Variants in MIB2 observed in about 807,000 individuals in gnomAD.
MIB2 encodes MIB E3 ubiquitin protein ligase 2.
A neutral mutation model predicts 96.6 loss-of-function variants in MIB2; 78 were observed. The observed-to-expected ratio is 0.81, with a 90% CI of 0.67 to 0.97. The LOEUF (loss-of-function observed/expected upper bound fraction) is 0.97. Among genes scored for constraint, MIB2 ranks in the 50% least tolerant of loss-of-function variants. The pLI, the probability that MIB2 is intolerant of heterozygous loss-of-function variation, is 0.00. For synonymous variants in MIB2, 820 were observed against 629.5 expected (o/e 1.30, Z -4.53); for missense variants, 1,543 against 1,424.0 (o/e 1.08, Z -1.35).
Position 1,627,765 on chromosome 1 carries a change from T to G in MIB2, c.1616T>G (p.Val539Gly). ...CAGAGCACAGCACTGCACGTGGCCG[T>G]GCAGAGGGGCTTCCTGGAGGTGGTG... is the stretch of plus-strand genomic sequence containing the variant. Reference protein sequence around the residue: ...STQSTALHVAVQRGFLEVVRA... With the variant: ...STQSTALHVAGQRGFLEVVRA... Residue 539 changes from valine to glycine, a missense_variant, in exon 13 of 20, where the codon GTG becomes GGG. By Grantham distance (109) the Val-to-Gly change is moderately radical (BLOSUM62 -3). Coordinates refer to ENST00000355826, the MANE Select transcript of MIB2 (RefSeq NM_001170687.4). 6.3e-7 allele frequency: 1 copy of G among 1,597,898 alleles called. No homozygotes were observed. The highest frequency in any genetic ancestry group is 8.5e-7 in the Non-Finnish European group (1 of 1,179,272).
In MIB2 at chr1:1,627,681, C is replaced by T. The variant is rs753886557; in HGVS notation, c.1532C>T (p.Pro511Leu). The change falls in exon 13 of 20, where the codon CCC becomes CTC. Residue 511 changes from proline to leucine, a missense_variant. Transcript: ENST00000355826. ...ALHYAALGNQ[P>L]EATRVLLSAG... ...ACTTCCTCTCCTGTCAGGAACCAGC[C>T]CGAGGCCACCAGGGTGCTCCTGAGT... 2 of 1,593,418 alleles carry T rather than the reference C, an allele frequency of 1.3e-6. No individual in the cohort carries two copies. Among genetic ancestry groups the T allele is most frequent in the South Asian group, 1.1e-5 (1 of 90,104 alleles).
chr1:1,627,417 ACACGGCACTG>A lies in MIB2; in HGVS notation c.1500_1509del (p.Ala501ThrfsTer15), dbSNP rs1644894469. The A allele has an allele frequency of 6.2e-7, 1 of 1,612,610 alleles. No individual in the cohort carries two copies. The highest frequency in any genetic ancestry group is 1.7e-5 in the Admixed American group (1 of 59,998). ...GTGGACCTGCCGGACGACGAGGGCA[ACACGGCACTG>A]CACTACGCGGCCCTGGGGTGAGGCC... On this transcript the variant is annotated frameshift_variant, in exon 12 of 20. Coordinates refer to ENST00000355826, the MANE Select transcript of MIB2 (RefSeq NM_001170687.4). LOFTEE classifies it high-confidence loss of function.
At chr1:1,623,341 C>A in intron 2 of MIB2, 90 bp from the exon 3 acceptor site, 1 of 1,527,548 alleles carries the variant, frequency 6.5e-7, no homozygotes, top group Non-Finnish European at 8.8e-7. Context: ...GGAGCCCACT[C>A]TGACCGGGAG....
In MIB2 at chr1:1,626,774, CCGCCGCTAG is replaced by C. The variant is rs1644816041; in HGVS notation, c.1077+28_1077+36del. Reference sequence around the variant, plus strand: ...GCCCCTGTGAGTCCCCCTGCCACCCCCGCCGCTAGCGCCGCTGCCCCCCACACCTGCAGC... The same window carrying C: ...GCCCCTGTGAGTCCCCCTGCCACCCCCGCCGCTGCCCCCCACACCTGCAGC... On this transcript the variant is annotated intron_variant, in intron 9 of 19. Coordinates refer to ENST00000355826, the MANE Select transcript of MIB2 (RefSeq NM_001170687.4). This position sits in a 1 kb window ranked among gnomAD's most constrained non-coding sequence, Gnocchi z 5.3. 2 of 1,568,226 alleles carry C rather than the reference CCGCCGCTAG, an allele frequency of 1.3e-6. No individual in the cohort carries two copies. Among genetic ancestry groups the C allele is most frequent in the African/African-American group, 2.7e-5 (2 of 74,240 alleles).
chr1:1,627,493 G>C, intron 12 of MIB2, 49 bp downstream of exon 12: 1 of 1,553,850 alleles, frequency 6.4e-7, no homozygotes, highest in Non-Finnish European at 8.7e-7. Flanking sequence ...TGTGCGTCCT[G>C]GGGTGAGGCC....
At chr1:1,616,388 G>C (rs1294781383) in intron 1 of MIB2, 120 bp from the exon 2 acceptor site, 2 of 725,446 alleles carry the variant, frequency 2.8e-6, no homozygotes, top group Non-Finnish European at 4.3e-6. Flanking sequence ...GCGGCCCTGA[G>C]TGTCGCGGCC....
intron 2 of MIB2, chr1:1,618,554 C>G (rs994549664): frequency 3.3e-5 from 5 of 152,456 alleles, no homozygotes; most frequent in African/African-American, 1.2e-4. Context: ...GCTCCCAGGC[C>G]TGCCCAGGGG....
At position 1,626,209 on chromosome 1, in the gene MIB2, G is replaced by A. The variant is rs892499799; in HGVS notation, c.973-441G>A. On this transcript the variant is annotated intron_variant, in intron 8 of 19. Coordinates refer to ENST00000355826, the MANE Select transcript of MIB2 (RefSeq NM_001170687.4). This position sits in a 1 kb window ranked among gnomAD's most constrained non-coding sequence, Gnocchi z 5.3. Reference sequence around the variant, plus strand: ...TACCAGGCACCTTTGAGGAGGCGCCGAAGGGAGTCATGAGACGGGCTTGTA... The same window carrying A: ...TACCAGGCACCTTTGAGGAGGCGCCAAAGGGAGTCATGAGACGGGCTTGTA... The A allele has an allele frequency of 2.5e-5, 5 of 203,970 alleles. No homozygotes were observed. The highest frequency in any genetic ancestry group is 1.2e-4 in the African/African-American group (5 of 43,076). The allele number at this position is 203,970 out of a possible 1,614,324, so 12.6% of individuals were successfully genotyped here. A position where few individuals can be genotyped will look rare whatever the true frequency, so the allele number is the denominator to read the frequency against.
chr1:1,623,607 T>G lies in MIB2; in HGVS notation c.155T>G (p.Val52Gly). The G allele has an allele frequency of 6.7e-7, 1 of 1,499,502 alleles. No homozygotes were observed. The highest frequency in any genetic ancestry group is 8.9e-7 in the Non-Finnish European group (1 of 1,123,244). 92.9% of individuals were successfully genotyped at this position (1,499,502 alleles called of 1,614,324 possible). Reference sequence around the variant, plus strand: ...AGCCCCTCGACACCCGACCGCACAGTGGTCGTGCAGTGGGACCAGGGCACG... The same window carrying G: ...AGCCCCTCGACACCCGACCGCACAGGGGTCGTGCAGTGGGACCAGGGCACG... ...HGSPSTPDRT[V>G]VVQWDQGTRT... Residue 52 changes from valine to glycine, a missense_variant, in exon 3 of 20, where the codon GTG becomes GGG. Val to Gly is a moderately radical substitution (Grantham distance 109). Coordinates refer to ENST00000355826, the MANE Select transcript of MIB2 (RefSeq NM_001170687.4).
rs774631799 is a variant in MIB2, at chr1:1,626,372, C to T, written c.973-278C>T. The T allele has an allele frequency of 6.1e-6, 3 of 491,916 alleles. No homozygotes were observed. The highest frequency in any genetic ancestry group is 1.1e-5 in the Non-Finnish European group (3 of 279,290). 30.5% of individuals were successfully genotyped at this position (491,916 alleles called of 1,614,324 possible). A position where few individuals can be genotyped will look rare whatever the true frequency, so the allele number is the denominator to read the frequency against. ...TGCTGCTGGTCAGCGTACAGCTTCCCAGGGCCAGCCACCTCGGCTTCACAC... is the reference window on the plus strand; with the variant it reads ...TGCTGCTGGTCAGCGTACAGCTTCCTAGGGCCAGCCACCTCGGCTTCACAC... On this transcript the variant is annotated intron_variant, in intron 8 of 19. Transcript: ENST00000355826. The surrounding 1 kb of genome is among the most constrained non-coding windows in gnomAD (Gnocchi z 5.3).
At chr1:1,627,601 C>T in intron 12 of MIB2, 72 bp from the exon 13 acceptor site, 3 of 1,522,446 alleles carry the variant, frequency 2.0e-6, no homozygotes, top group East Asian at 2.4e-5. Flanking sequence ...GGGGTCGGGC[C>T]TGGCGGGGCT....
In MIB2 at chr1:1,623,593, A is replaced by T; in HGVS notation, c.141A>T (p.Thr47=). The part of the protein sequence containing the change: ...VELGRHGSPS[T]PDRTVVVQWD... The stretch of plus-strand genomic sequence containing the variant: ...TTGGCCGCCACGGCAGCCCCTCGAC[A>T]CCCGACCGCACAGTGGTCGTGCAGT... The change falls in exon 3 of 20, where the codon ACA becomes ACT. Residue 47 remains threonine (T), a synonymous_variant. Coordinates refer to ENST00000355826, the MANE Select transcript of MIB2 (RefSeq NM_001170687.4). 2 of 1,506,418 alleles carry T rather than the reference A, an allele frequency of 1.3e-6. No homozygotes were observed. The highest frequency in any genetic ancestry group is 1.8e-6 in the Non-Finnish European group (2 of 1,127,494). 93.3% of individuals were successfully genotyped at this position (1,506,418 alleles called of 1,614,324 possible). A position where few individuals can be genotyped will look rare whatever the true frequency, so the allele number is the denominator to read the frequency against.
At chr1:1,629,353 G>A in intron 17 of MIB2, 32 bp from the exon 18 acceptor site, 1 of 1,440,180 alleles carries the variant, frequency 6.9e-7, no homozygotes, top group Non-Finnish European at 9.0e-7. Context: ...GCGGCCTCCG[G>A]GCCCCTCTCA....
In MIB2 at chr1:1,625,226, T is replaced by C. The variant is rs759138862; in HGVS notation, c.721+41T>C. The C allele has an allele frequency of 1.2e-6, 2 of 1,602,570 alleles. No individual in the cohort carries two copies. Among genetic ancestry groups the C allele is most frequent in the Admixed American group, 1.7e-5 (1 of 59,704 alleles). On this transcript the variant is annotated intron_variant, in intron 6 of 19. Transcript: ENST00000355826. This position sits in a 1 kb window ranked among gnomAD's most constrained non-coding sequence, Gnocchi z 5.0. The stretch of plus-strand genomic sequence containing the variant: ...ACTGACTCCATCAGCCCTCCTGCCT[T>C]GGCTGAAGTCCCAGAGGGGAGGGGC...
chr1:1,615,443 GTGGCGGGGGCGTGGCCA>G (rs990305998), upstream of MIB2: 39 of 1,503,962 alleles, frequency 2.6e-5, no homozygotes, highest in Admixed American at 3.2e-4. Context: ...GCCCATCCCC[GTGGCGGGGGCGTGGCCA>G]TGGCGGGGGC....
At chr1:1,616,932 A>G (rs1449252219) in intron 2 of MIB2, 2 of 309,586 alleles carry the variant, frequency 6.5e-6, no homozygotes, top group African/African-American at 2.3e-5. Context: ...ACATGCAACA[A>G]GTGTCTGAAT....
At chr1:1,630,241 C>T (rs1638626020) in intron 19 of MIB2, 51 bp from the exon 20 acceptor site, 3 of 761,504 alleles carry the variant, frequency 3.9e-6, no homozygotes, top group South Asian at 2.3e-5. Flanking sequence ...TCCCTGCTCC[C>T]CGCATTCCCC....
rs1416883965 is a variant in MIB2 at position 1,625,434 on chromosome 1, C to T, written c.864+6C>T. ...GGAACCCCAGGATGGCGGAGGTGAG[C>T]CGCCCCGCCGTGGAGCCCTGTGTGC... On this transcript the variant is annotated splice_donor_region_variant and intron_variant, in intron 7 of 19. Transcript: ENST00000355826. This position sits in a 1 kb window ranked among gnomAD's most constrained non-coding sequence, Gnocchi z 5.0. 6.4e-7 allele frequency: 1 copy of T among 1,557,926 alleles called. No individual in the cohort carries two copies. Among genetic ancestry groups the T allele is most frequent in the Admixed American group, 1.9e-5 (1 of 51,916 alleles).
intron 2 of MIB2, chr1:1,616,894 G>A (rs539119905): frequency 5.2e-6 from 2 of 385,522 alleles, no homozygotes; most frequent in Non-Finnish European, 9.4e-6. Context: ...GGCCCCCTTT[G>A]TCCGGTTCCA....
Sources: allele counts gnomAD v4.1 joint callset, GRCh38; gene constraint gnomAD v4.1.1; non-coding constraint Gnocchi (gnomAD v3.1); transcripts MANE v1.5; gene names NCBI Gene and HGNC (gene_info 2026-07-23, HGNC 2026-07-21).